Variants in BNC2 observed in about 807,000 individuals in gnomAD.
BNC2 encodes the protein basonuclin zinc finger protein 2, also known as zinc finger protein basonuclin-2.
BNC2 carries 20 observed loss-of-function variants against 76.3 expected under a neutral mutation model. That is an observed-to-expected ratio of 0.26 (90% CI 0.18 to 0.38). The LOEUF (loss-of-function observed/expected upper bound fraction) is 0.38, where lower values mean the gene tolerates loss of function less well. Ranked by LOEUF, BNC2 falls within the 10% of genes least tolerant of loss-of-function variation. The pLI is 1.00. For synonymous variants in BNC2, 582 were observed against 514.8 expected (o/e 1.13, Z -1.77); for missense variants, 1,382 against 1,399.8 (o/e 0.99, Z 0.20).
In BNC2 at chr9:16,506,508, CTCCTCTTTTTTTTTTT is replaced by C. The variant is rs1430627775; in HGVS notation, c.669+46006_669+46021del. ...ATAAAGTACACTTCTCTCTCTCTCT[CTCCTCTTTTTTTTTTT>C]TTTTTTTTTTTTTTTTTTTTGACGG... On this transcript the variant is annotated intron_variant, in intron 5 of 6. Transcript: ENST00000380672. Among the ~76,000 whole-genome samples the C allele has an allele frequency of 4.7e-4, 60 of 127,202 alleles. 1 individual carries two copies. Among genetic ancestry groups the C allele is most frequent in the East Asian group, 2.2e-3 (10 of 4,530 alleles). 83.4% of individuals were successfully genotyped at this position (127,202 alleles called of 152,430 possible). A position where few individuals can be genotyped will look rare whatever the true frequency, so the allele number is the denominator to read the frequency against.
chr9:16,762,680 C>T (rs1020553721), intron 1 of BNC2, among the ~76,000 whole-genome samples: 1 of 152,296 alleles, frequency 6.6e-6, no homozygotes, highest in African/African-American at 2.4e-5. Context: ...CAACGAGGAA[C>T]AGAGCCTGGC....
At chr9:16,721,784 A>C (rs1824164469) in intron 3 of BNC2, among the ~76,000 whole-genome samples, 1 of 152,172 alleles carries the variant, frequency 6.6e-6, no homozygotes, top group Non-Finnish European at 1.5e-5. Flanking sequence ...TTTTCTCTAC[A>C]ACCACAAAGT....
intron 5 of BNC2, among the ~76,000 whole-genome samples, chr9:16,482,162 G>A (rs1370043798): frequency 6.6e-6 from 1 of 152,020 alleles, no homozygotes; most frequent in Non-Finnish European, 1.5e-5. Flanking sequence ...GATACCACAG[G>A]GGAAATTATA....
chr9:16,707,058 C>T (rs367890042), intron 3 of BNC2, among the ~76,000 whole-genome samples: 4 of 152,068 alleles, frequency 2.6e-5, no homozygotes, highest in African/African-American at 7.2e-5. Context: ...AAAAATTAGC[C>T]GGGCGTGATG....
intron 1 of BNC2, among the ~76,000 whole-genome samples, chr9:16,864,916 C>T (rs1368544629): frequency 6.6e-6 from 1 of 151,662 alleles, no homozygotes; most frequent in Non-Finnish European, 1.5e-5. Context: ...TCCACAGACA[C>T]TGAGCAGAGA....
chr9:16,571,819 GAC>G (rs1339994543), intron 4 of BNC2, among the ~76,000 whole-genome samples: 1 of 151,984 alleles, frequency 6.6e-6, no homozygotes, highest in Non-Finnish European at 1.5e-5. Context: ...GTTTTTGCCT[GAC>G]ACAGATTCTG....
chr9:16,860,285 T>A (rs142389745), intron 1 of BNC2, among the ~76,000 whole-genome samples: 377 of 152,210 alleles, frequency 2.5e-3, no homozygotes, highest in African/African-American at 8.7e-3. Flanking sequence ...ATTGCAAAAC[T>A]TAATACAAAG....
intron 5 of BNC2, among the ~76,000 whole-genome samples, chr9:16,465,015 T>G (rs1243877352): frequency 6.6e-6 from 1 of 152,206 alleles, no homozygotes; most frequent in Admixed American, 6.5e-5. Context: ...TTTAATCATT[T>G]CACTCTCTTG....
At chr9:16,506,331 GGA>G (rs1254616952) in intron 5 of BNC2, among the ~76,000 whole-genome samples, 6 of 152,024 alleles carry the variant, frequency 3.9e-5, no homozygotes, top group African/African-American at 1.5e-4. Flanking sequence ...TATTTGTCAA[GGA>G]AAGTCCTGGA....
intron 3 of BNC2, among the ~76,000 whole-genome samples, chr9:16,656,297 A>C (rs574948095): frequency 6.6e-6 from 1 of 152,208 alleles, no homozygotes; most frequent in Middle Eastern, 3.2e-3. Flanking sequence ...AGACAAGAAA[A>C]GTGGTTACAA....
intron 1 of BNC2, among the ~76,000 whole-genome samples, chr9:16,798,550 ACTT>A (rs1393582056): frequency 1.3e-5 from 2 of 152,288 alleles, no homozygotes; most frequent in East Asian, 3.9e-4. Context: ...CAAACACTAG[ACTT>A]CTAAGTAATT....
intron 3 of BNC2, among the ~76,000 whole-genome samples, chr9:16,714,025 G>A (rs1823928344): frequency 6.6e-6 from 1 of 152,186 alleles, no homozygotes; most frequent in Non-Finnish European, 1.5e-5. Context: ...TGCTGGCCAT[G>A]AGCCCAGATC....
chr9:16,830,469 T>C (rs369641196), intron 1 of BNC2, among the ~76,000 whole-genome samples: 28 of 152,364 alleles, frequency 1.8e-4, no homozygotes, highest in African/African-American at 5.8e-4. Context: ...ATATTTGATA[T>C]ACTATACTGT....
chr9:16,824,109 T>C (rs949827525), intron 1 of BNC2, among the ~76,000 whole-genome samples: 3 of 152,208 alleles, frequency 2.0e-5, no homozygotes, highest in African/African-American at 7.2e-5. Context: ...AAGAAACTTC[T>C]GACATGGTCC....
In BNC2 at chr9:16,629,286, T is replaced by C. The variant is rs143263161; in HGVS notation, c.331-46201A>G. Among the ~76,000 whole-genome samples the C allele has an allele frequency of 3.3e-3, 502 of 152,326 alleles. 5 individuals are homozygous for C. The highest frequency in any genetic ancestry group is 0.017 in the South Asian group (83 of 4,826). On this transcript the variant is annotated intron_variant, in intron 3 of 6. Transcript: ENST00000380672. Reference sequence around the variant, plus strand: ...ACATCACATCTTTTTATTTACACCATAGTTGTGTGAATAATTTTCGTTTTG... The same window carrying C: ...ACATCACATCTTTTTATTTACACCACAGTTGTGTGAATAATTTTCGTTTTG...
chr9:16,816,624 T>C (rs922850793), intron 1 of BNC2, among the ~76,000 whole-genome samples: 2 of 152,154 alleles, frequency 1.3e-5, no homozygotes, highest in African/African-American at 4.8e-5. Flanking sequence ...ATTAGAAATA[T>C]AATCTAAGAA....
intron 5 of BNC2, among the ~76,000 whole-genome samples, chr9:16,514,347 G>C (rs892059565): frequency 1.3e-5 from 2 of 152,208 alleles, no homozygotes; most frequent in South Asian, 2.1e-4. Context: ...CCCCTGACTG[G>C]TCTGAGTGGC....
chr9:16,836,482 T>C lies in BNC2; in HGVS notation c.3+34164A>G, dbSNP rs113902687. ...TGAAGAAACCTCTAGTTTGTCTTGA[T>C]TTTTAAAACTTTGGCCCAGCTCTTC... On this transcript the variant is annotated intron_variant, in intron 1 of 6. Coordinates refer to ENST00000380672, the MANE Select transcript of BNC2 (RefSeq NM_017637.6). Among the ~76,000 whole-genome samples, 1,513 of 152,002 alleles carry C rather than the reference T, an allele frequency of 1.0e-2. 23 individuals carry two copies. Among genetic ancestry groups the C allele is most frequent in the East Asian group, 0.053 (275 of 5,150 alleles).
At chr9:16,672,505 G>A (rs1822510343) in intron 3 of BNC2, among the ~76,000 whole-genome samples, 1 of 151,988 alleles carries the variant, frequency 6.6e-6, no homozygotes, top group Non-Finnish European at 1.5e-5. Context: ...CAAAAAAAAA[G>A]AAAATGTTTA....
Sources: allele counts gnomAD v4.1 joint callset (sites outside exome capture counted in the v4.1 genomes callset), GRCh38; gene constraint gnomAD v4.1.1; transcripts MANE v1.5; gene names NCBI Gene and HGNC (gene_info 2026-07-23, HGNC 2026-07-21).